KAZN: variants seen among roughly 807,000 people sequenced by gnomAD.
KAZN encodes the protein kazrin.
Under a neutral mutation model 87.4 loss-of-function variants are expected in KAZN, and 40 were observed. That is an observed-to-expected ratio of 0.46 (90% CI 0.36 to 0.60). The LOEUF (loss-of-function observed/expected upper bound fraction) is 0.60. Among genes scored for constraint, KAZN ranks in the 20% least tolerant of loss-of-function variants. The pLI, the probability that KAZN is intolerant of heterozygous loss-of-function variation, is 0.00. For missense variants in KAZN, 898 were observed against 1,073.9 expected (o/e 0.84, Z 2.29); for synonymous variants, 466 against 458.3 (o/e 1.02, Z -0.22).
intron 2 of KAZN, among the ~76,000 whole-genome samples, chr1:14,591,418 A>AACACACACACACACACAC (rs36060158): frequency 7.5e-4 from 111 of 147,388 alleles, no homozygotes; most frequent in African/African-American, 2.7e-3. Context: ...GGAAAGAAGA[A>AACACACACACACACACAC]ACACACACAC....
chr1:15,074,889 A>G lies in KAZN; in HGVS notation c.1222+9136A>G, dbSNP rs184775432. ...AGGGATGAAACAGGCCAATATGTATACAAGGCTTAGCACAGGGCGCAATAA... is the reference window on the plus strand; with the variant it reads ...AGGGATGAAACAGGCCAATATGTATGCAAGGCTTAGCACAGGGCGCAATAA... On this transcript the variant is annotated intron_variant, in intron 8 of 14. Coordinates refer to ENST00000376030, the MANE Select transcript of KAZN (RefSeq NM_201628.3). Among the ~76,000 whole-genome samples the G allele has an allele frequency of 4.6e-5, 7 of 152,334 alleles. No homozygotes were observed. The East Asian group carries it at 1.4e-3, about 29-fold the overall frequency.
chr1:14,425,599 A>AC (rs1665677134), intron 2 of KAZN, among the ~76,000 whole-genome samples: 1 of 151,974 alleles, frequency 6.6e-6, no homozygotes, highest in Admixed American at 6.6e-5. Context: ...TCCCGGTCTC[A>AC]CCCCCACTAA....
intron 2 of KAZN, among the ~76,000 whole-genome samples, chr1:14,353,321 G>T (rs4661285): frequency 0.98 from 147,406 of 151,170 alleles, 71,903 homozygotes; most frequent in African/African-American, 0.99. Context: ...GCCTCCCAGG[G>T]TCATGCCATT....
intron 2 of KAZN, among the ~76,000 whole-genome samples, chr1:14,335,103 G>A (rs911206858): frequency 5.1e-5 from 6 of 118,016 alleles, no homozygotes; most frequent in African/African-American, 1.1e-4. Context: ...TGAATGACTC[G>A]GTGCCCCCCC....
chr1:15,060,180 G>T lies in KAZN; in HGVS notation c.925G>T (p.Val309Leu). 2 of 1,614,178 alleles carry T rather than the reference G, an allele frequency of 1.2e-6. No individual in the cohort carries two copies. Among genetic ancestry groups the T allele is most frequent in the Non-Finnish European group, 1.7e-6 (2 of 1,180,030 alleles). Residue 309 changes from valine (V) to leucine (L), a missense_variant, in exon 6 of 15, where the codon GTG (valine) becomes TTG (leucine). Val to Leu is a conservative substitution (Grantham distance 32). Coordinates refer to ENST00000376030, the MANE Select transcript of KAZN (RefSeq NM_201628.3). ...CTGTCCCTGCTTTCCAGCGGTCAGG[G>T]TGAGCCCCTGCCACTCCCGGCAGCC... ...PHPADRQAVR[V>L]SPCHSRQPSV...
intron 1 of KAZN, among the ~76,000 whole-genome samples, chr1:14,951,963 C>T (rs916976116): frequency 3.9e-5 from 6 of 152,158 alleles, no homozygotes; most frequent in Non-Finnish European, 5.9e-5. Context: ...CATGGCAGGG[C>T]GGCCGCAGAG....
chr1:14,097,250 A>G (rs1418461782), intron 1 of KAZN, among the ~76,000 whole-genome samples: 1 of 152,236 alleles, frequency 6.6e-6, no homozygotes, highest in Non-Finnish European at 1.5e-5. Context: ...GAACTTAGAT[A>G]GGAAGCTATT....
At chr1:14,116,618 G>A (rs1557488241) in intron 1 of KAZN, among the ~76,000 whole-genome samples, 3 of 152,204 alleles carry the variant, frequency 2.0e-5, no homozygotes, top group African/African-American at 7.2e-5. Context: ...GAAATGTGGG[G>A]TCAGAGCCCC....
rs375999698 is a variant in KAZN at position 14,404,634 on chromosome 1, TTAGAAA to T, written c.250-194346_250-194341del. 6.1e-3 allele frequency among the ~76,000 whole-genome samples: 925 copies of T among 152,224 alleles called. 5 individuals are homozygous for T. Among genetic ancestry groups the T allele is most frequent in the African/African-American group, 0.021 (861 of 41,528 alleles). ...ACTGTTTACTCTGGGAAAGAAAAAC[TTAGAAA>T]TAATTAAAATGTCTGTAAATAGGAG... On this transcript the variant is annotated intron_variant, in intron 2 of 16. Transcript: ENST00000636203.
intron 2 of KAZN, among the ~76,000 whole-genome samples, chr1:14,320,337 A>G (rs1031627403): frequency 2.0e-5 from 3 of 152,258 alleles, no homozygotes; most frequent in East Asian, 3.9e-4. Context: ...ATTATAATCT[A>G]TATATTTATA....
chr1:14,883,976 G>A (rs1199441667), intron 1 of KAZN, among the ~76,000 whole-genome samples: 2 of 152,170 alleles, frequency 1.3e-5, no homozygotes, highest in Non-Finnish European at 2.9e-5. Flanking sequence ...CCTTATATCT[G>A]TATGTGTCTT....
At chr1:14,933,122 G>A (rs755219862) in intron 1 of KAZN, among the ~76,000 whole-genome samples, 7 of 152,048 alleles carry the variant, frequency 4.6e-5, no homozygotes, top group African/African-American at 1.4e-4. Flanking sequence ...ATGGAGTTTC[G>A]CCCTTGTTGC....
chr1:14,153,523 C>A (rs1645521938), intron 1 of KAZN, among the ~76,000 whole-genome samples: 1 of 152,060 alleles, frequency 6.6e-6, no homozygotes, highest in Non-Finnish European at 1.5e-5. Context: ...GCCTGTAATC[C>A]CAGCACTTTG....
chr1:14,225,106 A>G (rs1647215216), intron 2 of KAZN, among the ~76,000 whole-genome samples: 2 of 152,204 alleles, frequency 1.3e-5, no homozygotes, highest in Admixed American at 1.3e-4. Flanking sequence ...AGAAAAGTCA[A>G]ACTATCTCTG....
chr1:14,395,962 C>G (rs552392638), intron 2 of KAZN, among the ~76,000 whole-genome samples: 1 of 152,014 alleles, frequency 6.6e-6, no homozygotes, highest in South Asian at 2.1e-4. Context: ...AGGTCAGACG[C>G]TCGAGACCAG....
chr1:14,420,773 G>A (rs1043317360), intron 2 of KAZN, among the ~76,000 whole-genome samples: 1 of 152,080 alleles, frequency 6.6e-6, no homozygotes, highest in Non-Finnish European at 1.5e-5. Context: ...GCCCGGGGCC[G>A]GCGGCACCAG....
rs1572737398 is a variant in KAZN, at chr1:14,888,202, C to T, written c.227-72482C>T. On this transcript the variant is annotated intron_variant, in intron 1 of 14. Coordinates refer to ENST00000376030, the MANE Select transcript of KAZN (RefSeq NM_201628.3). ...CTCGCCGGAGCGGTGCTTTCAGAGG[C>T]TCCCAGGCACAGAGGCCTCTGCCCA... Among the ~76,000 whole-genome samples, 5 of 152,330 alleles carry T rather than the reference C, an allele frequency of 3.3e-5. No homozygotes were observed. In the East Asian group the frequency reaches 9.6e-4, roughly 29 times the overall value.
intron 1 of KAZN, among the ~76,000 whole-genome samples, chr1:14,768,635 G>A (rs550696832): frequency 6.6e-6 from 1 of 152,286 alleles, no homozygotes; most frequent in South Asian, 2.1e-4. Flanking sequence ...TTGAGCATTT[G>A]CTATTAGATC....
At chr1:14,292,378 CGCCCAAATA>C (rs1653775335) in intron 2 of KAZN, among the ~76,000 whole-genome samples, 1 of 152,178 alleles carries the variant, frequency 6.6e-6, no homozygotes, top group Non-Finnish European at 1.5e-5. Flanking sequence ...CTGGAAAAAT[CGCCCAAATA>C]GCAGAGGCCT....
Sources: gnomAD v4.1 joint callset for allele counts (sites outside exome capture counted in the v4.1 genomes callset) on GRCh38, gnomAD v4.1.1 for gene constraint, MANE v1.5 for transcripts, NCBI Gene and HGNC (gene_info 2026-07-23, HGNC 2026-07-21) for gene names.